Variants in GALNT17 observed in about 807,000 individuals in gnomAD.
The protein encoded by GALNT17 is UDP-GalNAc:polypeptide N-acetylgalactosaminyltransferase-like 3.
Under a neutral mutation model 63.7 loss-of-function variants are expected in GALNT17, and 29 were observed. That is an observed-to-expected ratio of 0.46 (90% CI 0.34 to 0.62). GALNT17 has a LOEUF of 0.62. Among genes scored for constraint, GALNT17 ranks in the 20% least tolerant of loss-of-function variants. The pLI is 0.01. For missense variants in GALNT17, 603 were observed against 799.6 expected (o/e 0.75, Z 2.97); for synonymous variants, 305 against 318.3 (o/e 0.96, Z 0.45).
intron 9 of GALNT17, chr7:71,685,613 G>C (rs1791340991): frequency 6.6e-6 from 1 of 152,170 alleles, no homozygotes; most frequent in African/African-American, 2.4e-5. Flanking sequence ...CTTTGACCAA[G>C]CATGCAGTTT....
rs777436949 is a variant in GALNT17 at position 71,425,226 on chromosome 7, A to AT, written c.962+4136dup. On this transcript the variant is annotated intron_variant, in intron 5 of 10. Coordinates refer to ENST00000333538, the MANE Select transcript of GALNT17 (RefSeq NM_022479.3). ...GTGCCAGTGTGGTCAGGTCTTCAGA[A>AT]TTTTTTTTTTTTTTTGAGACAAAGT... Among the ~76,000 whole-genome samples, 1,429 of 144,614 alleles carry AT rather than the reference A, an allele frequency of 9.9e-3. 4 individuals are homozygous for AT. Among genetic ancestry groups the AT allele is most frequent in the Middle Eastern group, 0.014 (4 of 282 alleles). 94.9% of individuals were successfully genotyped at this position (144,614 alleles called of 152,430 possible). A position where few individuals can be genotyped will look rare whatever the true frequency, so the allele number is the denominator to read the frequency against.
intron 7 of GALNT17, among the ~76,000 whole-genome samples, chr7:71,667,090 A>G (rs1163603280): frequency 6.6e-6 from 1 of 152,218 alleles, no homozygotes; most frequent in Non-Finnish European, 1.5e-5. Context: ...AGCTCAGTTT[A>G]TCTCCTCAGC....
chr7:71,682,060 G>T (rs1369018313), intron 9 of GALNT17, among the ~76,000 whole-genome samples: 1 of 151,954 alleles, frequency 6.6e-6, no homozygotes, highest in Non-Finnish European at 1.5e-5. Context: ...ATGAGTAGTT[G>T]GGATTACAGG....
intron 6 of GALNT17, among the ~76,000 whole-genome samples, chr7:71,618,277 G>C (rs1034684429): frequency 6.6e-6 from 1 of 152,172 alleles, no homozygotes; most frequent in Admixed American, 6.5e-5. Context: ...ATGAACATAC[G>C]AGTGCAGGTG....
At chr7:71,517,065 G>T (rs1476036214) in intron 5 of GALNT17, among the ~76,000 whole-genome samples, 2 of 152,186 alleles carry the variant, frequency 1.3e-5, no homozygotes, top group Non-Finnish European at 2.9e-5. Flanking sequence ...ATGTGGGGAT[G>T]TCAAAGTTCT....
chr7:71,247,348 G>T (rs1166498149), intron 1 of GALNT17, among the ~76,000 whole-genome samples: 1 of 152,074 alleles, frequency 6.6e-6, no homozygotes, highest in Admixed American at 6.5e-5. Context: ...TTTTTTGATG[G>T]CTACAATTGT....
At chr7:71,395,136 T>G (rs2116366403) in intron 3 of GALNT17, among the ~76,000 whole-genome samples, 1 of 152,176 alleles carries the variant, frequency 6.6e-6, no homozygotes, top group East Asian at 1.9e-4. Flanking sequence ...AATTCAGTGA[T>G]TTTCAGTATA....
At chr7:71,408,939 T>TTATA (rs567168941) in intron 3 of GALNT17, among the ~76,000 whole-genome samples, 1 of 151,318 alleles carries the variant, frequency 6.6e-6, no homozygotes, top group East Asian at 1.9e-4. Context: ...TATATGTATT[T>TTATA]TATATATATA....
chr7:71,568,278 G>A (rs769474483), intron 5 of GALNT17, among the ~76,000 whole-genome samples: 8 of 152,180 alleles, frequency 5.3e-5, no homozygotes, highest in East Asian at 1.9e-4. Context: ...CCTAATCTCC[G>A]TGTGCCTCAG....
At chr7:71,542,088 G>A (rs968832865) in intron 5 of GALNT17, among the ~76,000 whole-genome samples, 4 of 152,182 alleles carry the variant, frequency 2.6e-5, no homozygotes, top group Non-Finnish European at 5.9e-5. Flanking sequence ...TACAGCAGGG[G>A]AACCGGATCG....
chr7:71,141,965 C>T (rs563294453), intron 1 of GALNT17, among the ~76,000 whole-genome samples: 1 of 150,152 alleles, frequency 6.7e-6, no homozygotes, highest in Non-Finnish European at 1.5e-5. Flanking sequence ...CCTCCTGCCT[C>T]AGTCTCCCAA....
In GALNT17 at chr7:71,434,219, T is replaced by G. The variant is rs566227685; in HGVS notation, c.962+13114T>G. Among the ~76,000 whole-genome samples the G allele has an allele frequency of 1.3e-5, 2 of 152,336 alleles. 1 individual carries two copies. Among genetic ancestry groups the G allele is most frequent in the South Asian group, 4.1e-4 (2 of 4,830 alleles). Reference sequence around the variant, plus strand: ...CGGCTTATTGCGGGACTTCACCTTGTGATCATGTGAGTCAATTCTCCTTAA... The same window carrying G: ...CGGCTTATTGCGGGACTTCACCTTGGGATCATGTGAGTCAATTCTCCTTAA... On this transcript the variant is annotated intron_variant, in intron 5 of 10. Transcript: ENST00000333538.
chr7:71,591,478 G>A (rs780602400), intron 6 of GALNT17, among the ~76,000 whole-genome samples: 2 of 152,202 alleles, frequency 1.3e-5, no homozygotes, highest in Non-Finnish European at 2.9e-5. Flanking sequence ...ACTGTGATGT[G>A]CTCAGCCTTC....
Position 71,712,301 on chromosome 7 carries a change from G to A in GALNT17, c.*155G>A. On this transcript the variant is annotated 3_prime_UTR_variant, in exon 11 of 11. Coordinates refer to ENST00000333538, the MANE Select transcript of GALNT17 (RefSeq NM_022479.3). The stretch of plus-strand genomic sequence containing the variant: ...CCAGGGCAGCACAGGGACCCCGGAT[G>A]AAGACTCTGTCCCCCCTCAGGCATT... 1.1e-6 allele frequency: 1 copy of A among 926,234 alleles called. No homozygotes were observed. The highest frequency in any genetic ancestry group is 1.8e-5 in the South Asian group (1 of 55,634). The allele number at this position is 926,234 out of a possible 1,614,324, so 57.4% of individuals were successfully genotyped here.
At chr7:71,207,269 G>A (rs1368429510) in intron 1 of GALNT17, among the ~76,000 whole-genome samples, 1 of 152,062 alleles carries the variant, frequency 6.6e-6, no homozygotes, top group South Asian at 2.1e-4. Flanking sequence ...GCTCTCAATG[G>A]CCTTCTCATC....
At chr7:71,386,458 C>G (rs939888721) in intron 2 of GALNT17, among the ~76,000 whole-genome samples, 3 of 152,116 alleles carry the variant, frequency 2.0e-5, no homozygotes, top group Non-Finnish European at 2.9e-5. Flanking sequence ...GCACTCCATT[C>G]CACTGTGTTT....
At chr7:71,312,504 C>A (rs1271846662) in intron 1 of GALNT17, among the ~76,000 whole-genome samples, 13 of 152,174 alleles carry the variant, frequency 8.5e-5, no homozygotes, top group African/African-American at 3.1e-4. Flanking sequence ...TAACAAAAGA[C>A]TGTCTGGTTT....
At chr7:71,579,724 A>G (rs1789602142) in intron 6 of GALNT17, among the ~76,000 whole-genome samples, 1 of 152,088 alleles carries the variant, frequency 6.6e-6, no homozygotes, top group Non-Finnish European at 1.5e-5. Context: ...GGGGAAGAAA[A>G]CCTCTTAGAT....
intron 1 of GALNT17, among the ~76,000 whole-genome samples, chr7:71,316,437 G>C (rs1791502079): frequency 6.6e-6 from 1 of 152,128 alleles, no homozygotes; most frequent in African/African-American, 2.4e-5. Flanking sequence ...GCATAGTATT[G>C]ATCCATAATT....
Sources: allele counts gnomAD v4.1 joint callset (sites outside exome capture counted in the v4.1 genomes callset), GRCh38; gene constraint gnomAD v4.1.1; transcripts MANE v1.5; gene names NCBI Gene and HGNC (gene_info 2026-07-23, HGNC 2026-07-21).